RP1L1: variants seen among roughly 807,000 people sequenced by gnomAD.
RP1L1 encodes the protein retinitis pigmentosa 1-like 1 protein.
A neutral mutation model predicts 15.7 loss-of-function variants in RP1L1; 27 were observed. The ratio of observed to expected loss-of-function variants is 1.72; its 90% CI spans 1.27 to 2.38. RP1L1 has a LOEUF of 2.38. Among genes scored for constraint, RP1L1 ranks in the 30% most tolerant of loss-of-function variants. The pLI, the probability that RP1L1 is intolerant of heterozygous loss-of-function variation, is 0.00. For missense variants in RP1L1, 4,798 were observed against 3,075.9 expected, an observed-to-expected ratio of 1.56 and a Z score of -13.24; for synonymous variants, 1,813 against 1,276.7, an observed-to-expected ratio of 1.42 and a Z score of -8.96.
chr8:10,637,538 C>G (rs190142737), intron 1 of RP1L1, among the ~76,000 whole-genome samples: 1 of 152,152 alleles, frequency 6.6e-6, no homozygotes, highest in African/African-American at 2.4e-5. Context: ...TTGAGCCCAG[C>G]AGTTCAAATG....
chr8:10,652,623 C>G (rs372527081), intron 1 of RP1L1, among the ~76,000 whole-genome samples: 1 of 151,926 alleles, frequency 6.6e-6, no homozygotes, highest in African/African-American at 2.4e-5. Flanking sequence ...CCTCCAAATT[C>G]AATGCTTTTG....
At chr8:10,626,776 G>A (rs762944967) in intron 1 of RP1L1, among the ~76,000 whole-genome samples, 2 of 152,170 alleles carry the variant, frequency 1.3e-5, no homozygotes, top group African/African-American at 2.4e-5. Context: ...GACAAAAAGC[G>A]AAGCACAAAT....
chr8:10,633,495 T>C (rs1308145967), intron 1 of RP1L1, among the ~76,000 whole-genome samples: 3 of 152,166 alleles, frequency 2.0e-5, no homozygotes, highest in Non-Finnish European at 2.9e-5. Context: ...ACCACTCCCA[T>C]CCGTGCAACC....
chr8:10,614,590 G>A (rs778904121), intron 3 of RP1L1, among the ~76,000 whole-genome samples: 1 of 151,468 alleles, frequency 6.6e-6, no homozygotes, highest in Non-Finnish European at 1.5e-5. Flanking sequence ...GAACCCGAGA[G>A]GCGGAGGTTG....
chr8:10,628,335 GC>G (rs1163019854), intron 1 of RP1L1, among the ~76,000 whole-genome samples: 3 of 152,126 alleles, frequency 2.0e-5, no homozygotes, highest in African/African-American at 7.2e-5. Flanking sequence ...CTAGGTAATA[GC>G]CCCCCTCCCT....
intron 1 of RP1L1, among the ~76,000 whole-genome samples, chr8:10,630,681 G>A (rs1476613419): frequency 2.0e-5 from 3 of 152,168 alleles, no homozygotes; most frequent in African/African-American, 7.2e-5. Context: ...CTCCATTGCT[G>A]GGACTCAGGT....
rs1352739301 is a variant in RP1L1, at chr8:10,613,145, T to A, written c.953A>T (p.Asp318Val). 5.0e-6 allele frequency: 8 copies of A among 1,613,766 alleles called. No individual in the cohort carries two copies. Among genetic ancestry groups the A allele is most frequent in the Non-Finnish European group, 6.8e-6 (8 of 1,180,004 alleles). Residue 318 changes from aspartate (D) to valine (V), a missense_variant, in exon 4 of 4, where the codon GAC becomes GTC. By Grantham distance (152) the Asp-to-Val change is radical. Transcript: ENST00000382483. ...DMKKKVRMNE[D>V]GSLSVEMKVR... ...TTTCATCTCCACGGACAGGCTGCCG[T>A]CCTCATTCATGCGGACCTTCTTCTT...
chr8:10,637,963 C>T (rs1436147967), intron 1 of RP1L1, among the ~76,000 whole-genome samples: 3 of 152,192 alleles, frequency 2.0e-5, no homozygotes, highest in Admixed American at 2.0e-4. Flanking sequence ...AGCCCCAGGG[C>T]TGGGTCCCCT....
At chr8:10,615,759 C>G (rs976627467) in intron 3 of RP1L1, among the ~76,000 whole-genome samples, 2 of 152,098 alleles carry the variant, frequency 1.3e-5, no homozygotes, top group African/African-American at 4.8e-5. Context: ...CTAGGCTTGT[C>G]TTGAACTCCT....
intron 2 of RP1L1, among the ~76,000 whole-genome samples, chr8:10,620,922 T>C (rs937488220): frequency 3.9e-5 from 6 of 152,254 alleles, no homozygotes; most frequent in African/African-American, 1.4e-4. Flanking sequence ...GTCACTCTGC[T>C]GAGTACATAA....
chr8:10,608,567 G>T lies in RP1L1; in HGVS notation c.5531C>A (p.Ala1844Asp), dbSNP rs772495209. ...GIEAPEAEGE[A>D]QPESEGVEAP... ...CTCTACACCTTCTGACTCTGGCTGGGCCTCCCCTTCAGCCTCCGGGGCCTC... is the reference window on the plus strand; with the variant it reads ...CTCTACACCTTCTGACTCTGGCTGGTCCTCCCCTTCAGCCTCCGGGGCCTC... Residue 1844 changes from alanine to aspartate, a missense_variant, in exon 4 of 4, where the codon GCC becomes GAC. Transcript: ENST00000382483. 6.2e-7 allele frequency: 1 copy of T among 1,610,550 alleles called. No individual in the cohort carries two copies. Among genetic ancestry groups the T allele is most frequent in the South Asian group, 1.1e-5 (1 of 90,826 alleles).
In RP1L1 at chr8:10,609,026, T is replaced by C. The variant is rs961314921; in HGVS notation, c.5072A>G (p.Gln1691Arg). ...TTCTCCCCTCTTCCTCTGCAGAATC[T>C]GCTGCAGGTCAAAGGCCTCTTTGAT... ...GPIKEAFDLQ[Q>R]ILQRKRGEHT... The change falls in exon 4 of 4, where the codon CAG becomes CGG. Residue 1691 changes from glutamine (Q) to arginine (R), a missense_variant. Transcript: ENST00000382483. 5 of 1,613,460 alleles carry C rather than the reference T, an allele frequency of 3.1e-6. No individual in the cohort carries two copies. The African/African-American group carries it at 6.7e-5, about 22-fold the overall frequency.
At chr8:10,631,551 G>T (rs988740410) in intron 1 of RP1L1, among the ~76,000 whole-genome samples, 1 of 152,192 alleles carries the variant, frequency 6.6e-6, no homozygotes, top group African/African-American at 2.4e-5. Flanking sequence ...TATCTCAACT[G>T]TTCCTACAGT....
chr8:10,619,857 A>G (rs559267571), intron 2 of RP1L1, among the ~76,000 whole-genome samples: 1 of 150,582 alleles, frequency 6.6e-6, no homozygotes, highest in East Asian at 2.0e-4. Flanking sequence ...CTACTCGGGG[A>G]GGCTGAGGCA....
In RP1L1 at chr8:10,613,343, C is replaced by G. The variant is rs1797912506; in HGVS notation, c.755G>C (p.Ser252Thr). The G allele has an allele frequency of 6.3e-7, 1 of 1,599,844 alleles. No individual in the cohort carries two copies. Reference protein sequence around the residue: ...SGLTSRNKNGSWGPKTKPSVI... With the variant: ...SGLTSRNKNGTWGPKTKPSVI... ...ACTCGGCTTGGTCTTTGGCCCCCAG[C>G]TCCCTGGCACGCAGTGAAGAGGAAA... The change falls in exon 4 of 4, where the codon AGC (serine) becomes ACC (threonine). Residue 252 changes from serine (S) to threonine (T), a missense_variant. Coordinates refer to ENST00000382483, the MANE Select transcript of RP1L1 (RefSeq NM_178857.6).
rs1391366588 is a variant in RP1L1, at chr8:10,624,525, C to T, written c.-19-1305G>A. ...GCCTAAAAACAACTTAGGGATTAGC[C>T]TCTCTGGCTCTAGGAAGAAATTAGG... On this transcript the variant is annotated intron_variant, in intron 1 of 3. Transcript: ENST00000382483. Among the ~76,000 whole-genome samples, 8 of 152,316 alleles carry T rather than the reference C, an allele frequency of 5.3e-5. No individual in the cohort carries two copies. The South Asian group carries it at 1.7e-3, about 32-fold the overall frequency.
rs749255702 is a variant in RP1L1 at position 10,611,704 on chromosome 8, G to A, written c.2394C>T (p.Asp798=). The change falls in exon 4 of 4, where the codon GAC becomes GAT. Residue 798 remains aspartate (D), a synonymous_variant. Transcript: ENST00000382483. ...CCAAGGGTGAGGAGGGCTGAGGCGT[G>A]TCCCTGGCCTCTTCCCCCAGGCTGG... is the stretch of plus-strand genomic sequence containing the variant. The part of the protein sequence containing the change: ...GAASLGEEAR[D]TPQPSSPLVL... The A allele has an allele frequency of 8.1e-6, 13 of 1,613,452 alleles. No individual in the cohort carries two copies. Among genetic ancestry groups the A allele is most frequent in the Non-Finnish European group, 1.0e-5 (12 of 1,180,006 alleles).
intron 3 of RP1L1, among the ~76,000 whole-genome samples, chr8:10,615,032 A>G (rs926853290): frequency 6.6e-6 from 1 of 152,136 alleles, no homozygotes; most frequent in Non-Finnish European, 1.5e-5. Context: ...CCAGGTGCAC[A>G]TCTGGGCAGA....
chr8:10,606,915 G>C lies in RP1L1; in HGVS notation c.7183C>G (p.Gln2395Glu). 1 of 1,614,178 alleles carries C rather than the reference G, an allele frequency of 6.2e-7. No individual in the cohort carries two copies. The highest frequency in any genetic ancestry group is 8.5e-7 in the Non-Finnish European group (1 of 1,180,042). ...EAVGRADGFG[Q>E]DDLDF ...CTTGTCTAGAAATCTAAGTCATCTT[G>C]GCCAAAGCCGTCTGCCCTGCCCACT... Residue 2395 changes from glutamine to glutamate, a missense_variant, in exon 4 of 4, where the codon CAA (glutamine) becomes GAA (glutamate). Physicochemically the swap from Gln to Glu is conservative, Grantham distance 29. Coordinates refer to ENST00000382483, the MANE Select transcript of RP1L1 (RefSeq NM_178857.6).
Sources: gnomAD v4.1 joint callset for allele counts (sites outside exome capture counted in the v4.1 genomes callset) on GRCh38, gnomAD v4.1.1 for gene constraint, MANE v1.5 for transcripts, NCBI Gene and HGNC (gene_info 2026-07-23, HGNC 2026-07-21) for gene names.